Variants in AOAH observed in about 807,000 individuals in gnomAD.
AOAH encodes the protein acyloxyacyl hydrolase (neutrophil).
Under a neutral mutation model 92.2 loss-of-function variants are expected in AOAH, and 64 were observed. The ratio of observed to expected loss-of-function variants is 0.69; its 90% CI spans 0.57 to 0.86. The LOEUF (loss-of-function observed/expected upper bound fraction) is 0.86. Ranked by LOEUF, AOAH falls within the 40% of genes least tolerant of loss-of-function variation. AOAH has a pLI of 0.00. For synonymous variants in AOAH, 263 were observed against 254.5 expected (o/e 1.03, Z -0.32); for missense variants, 656 against 694.6 (o/e 0.94, Z 0.62).
intron 4 of AOAH, among the ~76,000 whole-genome samples, chr7:36,649,581 G>C (rs1002911565): frequency 6.6e-6 from 1 of 152,190 alleles, no homozygotes; most frequent in African/African-American, 2.4e-5. Context: ...TATCGCCTGA[G>C]AGCACAGCAG....
chr7:36,627,206 T>G (rs1035483071), intron 6 of AOAH, among the ~76,000 whole-genome samples: 10 of 152,190 alleles, frequency 6.6e-5, no homozygotes, highest in African/African-American at 2.4e-4. Context: ...TAGTCCTGGG[T>G]GAAAAATGCT....
chr7:36,535,635 C>A (rs1215683678), intron 16 of AOAH, among the ~76,000 whole-genome samples: 1 of 152,170 alleles, frequency 6.6e-6, no homozygotes, highest in Non-Finnish European at 1.5e-5. Flanking sequence ...ATAGTCTAAC[C>A]CTTGGGATGG....
Position 36,721,188 on chromosome 7 carries a change from T to G in AOAH, c.127+2834A>C, listed in dbSNP as rs528454715. ...GAACTGTCTCCACCAACGGGAGATG[T>G]CTCAAAATTACAGCCCTCCCCTGTG... On this transcript the variant is annotated intron_variant, in intron 1 of 20. Transcript: ENST00000617537. 2.6e-5 allele frequency among the ~76,000 whole-genome samples: 4 copies of G among 152,264 alleles called. No individual in the cohort carries two copies. The South Asian group carries it at 8.3e-4, about 32-fold the overall frequency.
chr7:36,719,674 T>C (rs1351519699), intron 1 of AOAH, among the ~76,000 whole-genome samples: 1 of 152,176 alleles, frequency 6.6e-6, no homozygotes, highest in Non-Finnish European at 1.5e-5. Context: ...CTCATGCTTA[T>C]AATCCCAGCA....
chr7:36,652,642 C>A (rs1794651533), intron 4 of AOAH, among the ~76,000 whole-genome samples: 1 of 152,202 alleles, frequency 6.6e-6, no homozygotes, highest in South Asian at 2.1e-4. Flanking sequence ...ATCATTTAAC[C>A]CTGATAGGAT....
chr7:36,610,978 G>A (rs1351526329), intron 11 of AOAH, among the ~76,000 whole-genome samples: 1 of 152,234 alleles, frequency 6.6e-6, no homozygotes, highest in Non-Finnish European at 1.5e-5. Context: ...ACGCACGGGT[G>A]AGAAGAAATG....
chr7:36,674,572 T>TC (rs779138994), intron 2 of AOAH, among the ~76,000 whole-genome samples: 2 of 152,128 alleles, frequency 1.3e-5, no homozygotes, highest in East Asian at 3.9e-4. Context: ...CAACATAATC[T>TC]CCCCTGACCT....
chr7:36,515,729 CCA>C (rs1247654747), intron 20 of AOAH, among the ~76,000 whole-genome samples: 1 of 123,206 alleles, frequency 8.1e-6, no homozygotes, highest in Non-Finnish European at 1.7e-5. Flanking sequence ...CACACCAACA[CCA>C]CACACACACC....
chr7:36,548,486 G>A (rs1032444354), intron 15 of AOAH, 126 bp downstream of exon 15: 19 of 776,608 alleles, frequency 2.4e-5, no homozygotes, highest in Middle Eastern at 2.7e-4. Context: ...GTGCCCGGCC[G>A]TGCTTCTAAG....
chr7:36,559,849 A>C (rs1787126617), intron 13 of AOAH, among the ~76,000 whole-genome samples: 1 of 152,176 alleles, frequency 6.6e-6, no homozygotes, highest in Non-Finnish European at 1.5e-5. Flanking sequence ...GTTTTCTTCT[A>C]GGATTCTTAT....
intron 1 of AOAH, among the ~76,000 whole-genome samples, chr7:36,695,068 G>T (rs964204857): frequency 1.3e-5 from 2 of 151,878 alleles, no homozygotes; most frequent in Non-Finnish European, 2.9e-5. Context: ...CAAAATTTTC[G>T]CAATTGTTTC....
chr7:36,626,211 C>T (rs911893876), intron 6 of AOAH, among the ~76,000 whole-genome samples: 4 of 152,044 alleles, frequency 2.6e-5, no homozygotes, highest in Non-Finnish European at 5.9e-5. Context: ...ACAGAAATGA[C>T]GTAGACCCAA....
chr7:36,557,924 G>C (rs1418092379), intron 13 of AOAH, among the ~76,000 whole-genome samples: 3 of 151,972 alleles, frequency 2.0e-5, no homozygotes, highest in Non-Finnish European at 4.4e-5. Flanking sequence ...TTTGCCTTTG[G>C]TTTGAATTTC....
At chr7:36,612,544 A>G (rs1014969904) in intron 11 of AOAH, among the ~76,000 whole-genome samples, 5 of 152,308 alleles carry the variant, frequency 3.3e-5, no homozygotes, top group Admixed American at 3.3e-4. Context: ...ATAATTGATC[A>G]TTTTAAAAGG....
chr7:36,722,190 A>G (rs187722759), intron 1 of AOAH, among the ~76,000 whole-genome samples: 7 of 152,312 alleles, frequency 4.6e-5, no homozygotes, highest in African/African-American at 1.7e-4. Flanking sequence ...CACCCATAAA[A>G]TCATAATACA....
chr7:36,683,970 A>C (rs1347391377), intron 2 of AOAH, among the ~76,000 whole-genome samples: 1 of 151,810 alleles, frequency 6.6e-6, no homozygotes, highest in Non-Finnish European at 1.5e-5. Flanking sequence ...CTCCAGCCTG[A>C]GCAACAGAGC....
intron 11 of AOAH, among the ~76,000 whole-genome samples, chr7:36,603,854 A>G (rs1790785195): frequency 6.6e-6 from 1 of 152,238 alleles, no homozygotes; most frequent in African/African-American, 2.4e-5. Flanking sequence ...ATATAATAGC[A>G]GAGTCATTTC....
At chr7:36,633,456 T>C (rs1793283122) in intron 5 of AOAH, among the ~76,000 whole-genome samples, 1 of 152,122 alleles carries the variant, frequency 6.6e-6, no homozygotes, top group Non-Finnish European at 1.5e-5. Flanking sequence ...GAATCTGCAT[T>C]TTAACAACGT....
At chr7:36,711,082 C>T (rs550370383) in intron 1 of AOAH, among the ~76,000 whole-genome samples, 14 of 152,258 alleles carry the variant, frequency 9.2e-5, no homozygotes, top group African/African-American at 3.1e-4. Flanking sequence ...CTTACTATTG[C>T]TTCCACAAGC....
Sources: allele counts gnomAD v4.1 joint callset (sites outside exome capture counted in the v4.1 genomes callset), GRCh38; gene constraint gnomAD v4.1.1; transcripts MANE v1.5; gene names NCBI Gene and HGNC (gene_info 2026-07-23, HGNC 2026-07-21).